Variants in ABHD17C observed in about 807,000 individuals in gnomAD.
The protein encoded by ABHD17C is alpha/beta hydrolase domain-containing protein 17C.
In ABHD17C, 11 loss-of-function variants were observed where a neutral mutation model predicts 27.9. The ratio of observed to expected loss-of-function variants is 0.39; its 90% CI spans 0.25 to 0.65. ABHD17C has a LOEUF of 0.65. ABHD17C is among the 30% of genes least tolerant of loss of function. ABHD17C has a pLI of 0.45. For synonymous variants in ABHD17C, 233 were observed against 209.1 expected (o/e 1.11, Z -0.98); for missense variants, 280 against 470.2 (o/e 0.60, Z 3.74).
intron 1 of ABHD17C, among the ~76,000 whole-genome samples, chr15:80,728,465 C>T (rs1030483311): frequency 6.6e-6 from 1 of 152,220 alleles, no homozygotes; most frequent in Non-Finnish European, 1.5e-5. Flanking sequence ...GTGACAGTGA[C>T]TAGCTGAGAA....
At chr15:80,716,174 G>A (rs1218238876) in intron 1 of ABHD17C, among the ~76,000 whole-genome samples, 1 of 152,136 alleles carries the variant, frequency 6.6e-6, no homozygotes, top group African/African-American at 2.4e-5. Flanking sequence ...ACTAAAGAAG[G>A]GGGTTCTTTT....
chr15:80,696,869 A>G (rs1194363990), intron 1 of ABHD17C, among the ~76,000 whole-genome samples: 1 of 152,192 alleles, frequency 6.6e-6, no homozygotes, highest in Non-Finnish European at 1.5e-5. Context: ...ATACATGTGC[A>G]GGTCAGGTTA....
intron 1 of ABHD17C, among the ~76,000 whole-genome samples, chr15:80,733,481 G>C (rs1351494386): frequency 6.6e-6 from 1 of 152,180 alleles, no homozygotes; most frequent in Non-Finnish European, 1.5e-5. Flanking sequence ...CTGGCCAGGA[G>C]GATTCAATAC....
chr15:80,749,114 AT>A (rs1895331317), intron 1 of ABHD17C, among the ~76,000 whole-genome samples: 1 of 152,120 alleles, frequency 6.6e-6, no homozygotes. Context: ...TAATATTGCA[AT>A]TTGCCAAACT....
intron 1 of ABHD17C, among the ~76,000 whole-genome samples, chr15:80,731,019 G>A (rs1362524299): frequency 6.6e-6 from 1 of 152,082 alleles, no homozygotes; most frequent in Non-Finnish European, 1.5e-5. Context: ...TTACTTCAAG[G>A]CCTTATTTTA....
rs1895409322 is a variant in ABHD17C, at chr15:80,754,536, G to A, written c.*166G>A. 1.6e-6 allele frequency: 1 copy of A among 617,868 alleles called. No homozygotes were observed. The highest frequency in any genetic ancestry group is 2.8e-6 in the Non-Finnish European group (1 of 356,346). 38.3% of individuals were successfully genotyped at this position (617,868 alleles called of 1,614,324 possible). ...GAAATCTCAGTCTTTTGTATCTAGA[G>A]GTGGTTCTGCTAATTCACACAACAC... is the stretch of plus-strand genomic sequence containing the variant. On this transcript the variant is annotated 3_prime_UTR_variant, in exon 3 of 3. Coordinates refer to ENST00000258884, the MANE Select transcript of ABHD17C (RefSeq NM_021214.2).
At chr15:80,746,435 G>A (rs1375247314) in intron 1 of ABHD17C, among the ~76,000 whole-genome samples, 1 of 151,388 alleles carries the variant, frequency 6.6e-6, no homozygotes, top group African/African-American at 2.4e-5. Context: ...AATACTTTCT[G>A]TCTTTTTTTT....
At chr15:80,741,612 TAAAG>T (rs1174085689) in intron 1 of ABHD17C, among the ~76,000 whole-genome samples, 7 of 152,152 alleles carry the variant, frequency 4.6e-5, no homozygotes, top group African/African-American at 1.7e-4. Context: ...CCTATTCACT[TAAAG>T]GAAGCCCTGT....
At chr15:80,739,840 G>T (rs948235775) in intron 1 of ABHD17C, among the ~76,000 whole-genome samples, 1 of 141,916 alleles carries the variant, frequency 7.0e-6, no homozygotes, top group Non-Finnish European at 1.5e-5. Context: ...GTATTTCCTT[G>T]AATTTACAGG....
downstream of ABHD17C, chr15:80,755,621 AT>A (rs1040761029): frequency 6.6e-6 from 1 of 152,220 alleles, no homozygotes; most frequent in African/African-American, 2.4e-5. Context: ...ATGGATCAGA[AT>A]GTGTGGGCTT....
chr15:80,709,367 T>C (rs1894697249), intron 1 of ABHD17C, among the ~76,000 whole-genome samples: 2 of 151,350 alleles, frequency 1.3e-5, no homozygotes, highest in Admixed American at 1.3e-4. Flanking sequence ...TGCACACCTG[T>C]AGTCCCAGCT....
At chr15:80,749,480 T>C (rs754876944) in intron 1 of ABHD17C, 33 bp from the exon 2 acceptor site, 2 of 1,604,718 alleles carry the variant, frequency 1.2e-6, no homozygotes, top group African/African-American at 1.3e-5. Flanking sequence ...CTTCATACCT[T>C]AGCTAATGGC....
At chr15:80,751,163 A>G (rs568769929) in intron 2 of ABHD17C, among the ~76,000 whole-genome samples, 1 of 151,700 alleles carries the variant, frequency 6.6e-6, no homozygotes, top group South Asian at 2.1e-4. Context: ...CAGCCTGGGT[A>G]ACATGGTGAA....
At chr15:80,736,882 T>A (rs1456024461) in intron 1 of ABHD17C, among the ~76,000 whole-genome samples, 3 of 152,120 alleles carry the variant, frequency 2.0e-5, no homozygotes, top group Non-Finnish European at 2.9e-5. Flanking sequence ...AACAAACAGA[T>A]TTTAACTTTA....
At chr15:80,746,193 G>A (rs1895280594) in intron 1 of ABHD17C, among the ~76,000 whole-genome samples, 1 of 152,022 alleles carries the variant, frequency 6.6e-6, no homozygotes, top group Admixed American at 6.6e-5. Context: ...TACTAATGAA[G>A]TTGAATAACT....
chr15:80,701,358 C>T (rs1045298532), intron 1 of ABHD17C, among the ~76,000 whole-genome samples: 3 of 151,998 alleles, frequency 2.0e-5, no homozygotes, highest in Non-Finnish European at 4.4e-5. Flanking sequence ...AGAGTTTCTG[C>T]TTGAGTTTGA....
intron 1 of ABHD17C, among the ~76,000 whole-genome samples, chr15:80,745,647 G>C (rs9920095): frequency 7.9e-5 from 12 of 151,776 alleles, no homozygotes; most frequent in African/African-American, 1.9e-4. Flanking sequence ...GATTACAGGC[G>C]TGAGCCATCG....
rs769179765 is a variant in ABHD17C, at chr15:80,749,653, C to T, written c.731C>T (p.Pro244Leu). ...PLMSGLRVAF[P>L]DTRKTYCFDA... ...ATGTCTGGTTTGCGTGTGGCTTTTC[C>T]GGATACCAGGAAAACATACTGCTTT... The change falls in exon 2 of 3, where the codon CCG (proline) becomes CTG (leucine). Residue 244 changes from proline (P) to leucine (L), a missense_variant. By Grantham distance (98) the Pro-to-Leu change is moderately conservative (BLOSUM62 -3). Transcript: ENST00000258884. The T allele has an allele frequency of 2.5e-6, 4 of 1,613,924 alleles. No homozygotes were observed. Among genetic ancestry groups the T allele is most frequent in the East Asian group, 2.2e-5 (1 of 44,860 alleles).
intron 1 of ABHD17C, among the ~76,000 whole-genome samples, chr15:80,707,249 T>C (rs12442298): frequency 0.18 from 27,007 of 152,058 alleles, 2,814 homozygotes; most frequent in African/African-American, 0.29. Context: ...TTTAGAGGGA[T>C]GGAAATGATT....
Sources: allele counts gnomAD v4.1 joint callset (sites outside exome capture counted in the v4.1 genomes callset), GRCh38; gene constraint gnomAD v4.1.1; transcripts MANE v1.5; gene names NCBI Gene and HGNC (gene_info 2026-07-23, HGNC 2026-07-21).